The following PPARG variants were observed in gnomAD, a reference collection of about 807,000 sequenced individuals.
PPARG encodes peroxisome proliferator-activated receptor gamma.
Under a neutral mutation model 39.2 loss-of-function variants are expected in PPARG, and 17 were observed. That is an observed-to-expected ratio of 0.43 (90% CI 0.30 to 0.65). The LOEUF (loss-of-function observed/expected upper bound fraction) is 0.65, where lower values mean the gene tolerates loss of function less well. Among genes scored for constraint, PPARG ranks in the 30% least tolerant of loss-of-function variants. PPARG has a pLI of 0.13. For synonymous variants in PPARG, 223 were observed against 215.7 expected (o/e 1.03, Z -0.30); for missense variants, 406 against 585.9 (o/e 0.69, Z 3.17).
chr3:12,429,905 CTG>C, intron 7 of PPARG, among the ~76,000 whole-genome samples: 1 of 152,316 alleles, frequency 6.6e-6, no homozygotes, highest in East Asian at 1.9e-4. Flanking sequence ...TTCTCAGAAT[CTG>C]AGATCTTTTG....
intron 1 of PPARG, among the ~76,000 whole-genome samples, chr3:12,293,166 G>A (rs930865462): frequency 5.3e-5 from 8 of 152,002 alleles, no homozygotes; most frequent in Non-Finnish European, 7.4e-5. Flanking sequence ...TTCCTACTGC[G>A]ATTTTTTAGA....
At position 12,434,084 on chromosome 3, in the gene PPARG, A is replaced by C. The variant is rs746597317; in HGVS notation, c.1367A>C (p.Lys456Thr). The C allele has an allele frequency of 4.3e-5, 70 of 1,614,090 alleles. 2 individuals carry two copies. The South Asian group carries it at 7.5e-4, about 17-fold the overall frequency. Reference protein sequence around the residue: ...EHVQLLQVIKKTETDMSLHPL... With the variant: ...EHVQLLQVIKTTETDMSLHPL... Reference sequence around the variant, plus strand: ...GTGCAGCTACTGCAGGTGATCAAGAAGACGGAGACAGACATGAGTCTTCAC... The same window carrying C: ...GTGCAGCTACTGCAGGTGATCAAGACGACGGAGACAGACATGAGTCTTCAC... The change falls in exon 8 of 8, where the codon AAG becomes ACG. Residue 456 changes from lysine (K) to threonine (T), a missense_variant. By Grantham distance (78) the Lys-to-Thr change is moderately conservative (BLOSUM62 -1). Transcript: ENST00000651735. The surrounding 1 kb of genome is among the most constrained non-coding windows in gnomAD (Gnocchi z 4.2).
At chr3:12,367,246 A>T (rs1427301284) in intron 2 of PPARG, among the ~76,000 whole-genome samples, 2 of 152,190 alleles carry the variant, frequency 1.3e-5, no homozygotes, top group East Asian at 3.8e-4. Context: ...AATAACTTTC[A>T]TTCATTCTTC....
chr3:12,390,594 T>G (rs1278327124), intron 4 of PPARG, among the ~76,000 whole-genome samples: 1 of 151,520 alleles, frequency 6.6e-6, no homozygotes, highest in Non-Finnish European at 1.5e-5. Flanking sequence ...AAATAGTATA[T>G]TATTTTGTTT....
chr3:12,433,843 C>T, intron 7 of PPARG, 55 bp from the exon 8 acceptor site: 1 of 1,612,132 alleles, frequency 6.2e-7, no homozygotes. Flanking sequence ...AAGGCGGGGC[C>T]CAGAGGATTT....
intron 1 of PPARG, among the ~76,000 whole-genome samples, chr3:12,291,219 T>C (rs2046640343): frequency 6.6e-6 from 1 of 152,118 alleles, no homozygotes; most frequent in African/African-American, 2.4e-5. Flanking sequence ...CTAATTTGCT[T>C]ATTTTTCCTG....
At chr3:12,432,690 T>C (rs1194184745) in intron 7 of PPARG, among the ~76,000 whole-genome samples, 1 of 152,046 alleles carries the variant, frequency 6.6e-6, no homozygotes, top group African/African-American at 2.4e-5. Context: ...AAAGAAGAAA[T>C]AAATAAAGCT....
At chr3:12,336,799 A>G (rs1226636162) in intron 2 of PPARG, among the ~76,000 whole-genome samples, 1 of 152,232 alleles carries the variant, frequency 6.6e-6, no homozygotes. Context: ...TTAGGTTTTT[A>G]TAAAGACATT....
chr3:12,292,648 G>A (rs1023659244), intron 1 of PPARG, among the ~76,000 whole-genome samples: 3 of 152,196 alleles, frequency 2.0e-5, no homozygotes, highest in South Asian at 2.1e-4. Context: ...AATTCTTCGC[G>A]TGAATTGTTG....
chr3:12,401,726 C>G (rs566165292), intron 5 of PPARG, among the ~76,000 whole-genome samples: 56 of 151,910 alleles, frequency 3.7e-4, no homozygotes, highest in African/African-American at 1.3e-3. Flanking sequence ...ATTTTTCATT[C>G]CTTTTATGAA....
rs140105925 is a variant in PPARG, at chr3:12,339,178, T to C, written c.-9+26725T>C. ...CAACCTCGGAACCTCCAAAACATTATGCTAAGTGAAAAAAAACCAAACACA... is the reference window on the plus strand; with the variant it reads ...CAACCTCGGAACCTCCAAAACATTACGCTAAGTGAAAAAAAACCAAACACA... On this transcript the variant is annotated intron_variant, in intron 2 of 7. Transcript: ENST00000651735. Among the ~76,000 whole-genome samples, 325 of 152,202 alleles carry C rather than the reference T, an allele frequency of 2.1e-3. 3 individuals carry two copies. Among genetic ancestry groups the C allele is most frequent in the Admixed American group, 3.3e-3 (50 of 15,278 alleles).
At chr3:12,361,239 T>G (rs1469240220) in intron 2 of PPARG, among the ~76,000 whole-genome samples, 1 of 152,232 alleles carries the variant, frequency 6.6e-6, no homozygotes, top group Non-Finnish European at 1.5e-5. Context: ...TCACCCATTT[T>G]TATATTGAGT....
Position 12,433,991 on chromosome 3 carries a change from A to C in PPARG, c.1274A>C (p.Glu425Ala), listed in dbSNP as rs186728157. ...LELQLKLNHP[E>A]SSQLFAKLLQ... Reference sequence around the variant, plus strand: ...CTCCAGCTGAAGCTGAACCACCCTGAGTCCTCACAGCTGTTTGCCAAGCTG... The same window carrying C: ...CTCCAGCTGAAGCTGAACCACCCTGCGTCCTCACAGCTGTTTGCCAAGCTG... The change falls in exon 8 of 8, where the codon GAG becomes GCG. Residue 425 changes from glutamate to alanine, a missense_variant. By Grantham distance (107) the Glu-to-Ala change is moderately radical. Around this residue, in one of 2 missense-constraint regions of PPARG, gnomAD observed 275 missense variants for 458.0 expected, o/e 0.60. Coordinates refer to ENST00000651735, the MANE Select transcript of PPARG (RefSeq NM_138711.6). 6.2e-7 allele frequency: 1 copy of C among 1,614,254 alleles called. No individual in the cohort carries two copies. Among genetic ancestry groups the C allele is most frequent in the East Asian group, 2.2e-5 (1 of 44,884 alleles).
chr3:12,413,191 A>G (rs1237722339), intron 6 of PPARG, among the ~76,000 whole-genome samples: 2 of 152,236 alleles, frequency 1.3e-5, no homozygotes, highest in African/African-American at 2.4e-5. Flanking sequence ...TTCTCTCTCC[A>G]TAAAGCAGGC....
intron 2 of PPARG, among the ~76,000 whole-genome samples, chr3:12,316,731 T>A (rs6442310): frequency 0.65 from 98,828 of 151,434 alleles, 33,418 homozygotes; most frequent in African/African-American, 0.84. Context: ...TTTTTTTTTT[T>A]AAAAAATCTA....
At chr3:12,291,455 A>G (rs2046646989) in intron 1 of PPARG, among the ~76,000 whole-genome samples, 1 of 152,188 alleles carries the variant, frequency 6.6e-6, no homozygotes, top group Non-Finnish European at 1.5e-5. Flanking sequence ...ATTATTTGAA[A>G]TCTTCTTGGA....
At position 12,370,151 on chromosome 3, in the gene PPARG, C is replaced by T. The variant is rs545068027; in HGVS notation, c.-8-9553C>T. On this transcript the variant is annotated intron_variant, in intron 2 of 7. Coordinates refer to ENST00000651735, the MANE Select transcript of PPARG (RefSeq NM_138711.6). Reference sequence around the variant, plus strand: ...TGTCTTTACTCTCATACTTGATGGACGATTTGGATGAGTCTAAAATTCTAG... The same window carrying T: ...TGTCTTTACTCTCATACTTGATGGATGATTTGGATGAGTCTAAAATTCTAG... 6.6e-5 allele frequency among the ~76,000 whole-genome samples: 10 copies of T among 152,088 alleles called. No individual in the cohort carries two copies. In the South Asian group the frequency reaches 1.0e-3, roughly 16 times the overall value.
At chr3:12,306,461 A>C (rs2047065530) in intron 1 of PPARG, among the ~76,000 whole-genome samples, 1 of 152,218 alleles carries the variant, frequency 6.6e-6, no homozygotes. Flanking sequence ...ATAACCTGCC[A>C]GGTGATAAAA....
At chr3:12,419,156 G>A (rs1232522030) in intron 7 of PPARG, among the ~76,000 whole-genome samples, 1 of 151,980 alleles carries the variant, frequency 6.6e-6, no homozygotes, top group Admixed American at 6.6e-5. Flanking sequence ...TATTGGTCAG[G>A]CTGGTCTCGA....
Sources: allele counts gnomAD v4.1 joint callset (sites outside exome capture counted in the v4.1 genomes callset), GRCh38; gene constraint gnomAD v4.1.1; regional missense constraint gnomAD v4.1.1; non-coding constraint Gnocchi (gnomAD v3.1); transcripts MANE v1.5; gene names NCBI Gene and HGNC (gene_info 2026-07-23, HGNC 2026-07-21).